Variants in CPM observed in about 807,000 individuals in gnomAD.
CPM encodes the protein carboxypeptidase M.
A neutral mutation model predicts 46.4 loss-of-function variants in CPM; 35 were observed. The ratio of observed to expected loss-of-function variants is 0.75; its 90% CI spans 0.58 to 1.00. CPM has a LOEUF of 1.00. Among genes scored for constraint, CPM ranks in the 50% least tolerant of loss-of-function variants. CPM has a pLI of 0.00. For synonymous variants in CPM, 195 were observed against 195.3 expected (o/e 1.00, Z 0.01); for missense variants, 422 against 530.4 (o/e 0.80, Z 2.01).
chr12:68,941,464 C>T (rs912076910), intron 1 of CPM, among the ~76,000 whole-genome samples: 5 of 151,980 alleles, frequency 3.3e-5, no homozygotes, highest in Admixed American at 6.6e-5. Context: ...GCCTTAACCT[C>T]CCAGGCTTAA....
rs1888301684 is a variant in CPM at position 68,927,129 on chromosome 12, G to A, written c.160+5549C>T. On this transcript the variant is annotated intron_variant, in intron 2 of 8. Coordinates refer to ENST00000551568, the MANE Select transcript of CPM (RefSeq NM_198320.5). ...GTATTTCTAGTTCTAGATCCCTGAG[G>A]AATCGCCACACTGACTTCCACAATG... 4.6e-5 allele frequency among the ~76,000 whole-genome samples: 7 copies of A among 151,646 alleles called. No individual in the cohort carries two copies. The South Asian group carries it at 1.5e-3, about 32-fold the overall frequency.
At chr12:68,910,362 A>C (rs1887544212) in intron 2 of CPM, among the ~76,000 whole-genome samples, 1 of 152,226 alleles carries the variant, frequency 6.6e-6, no homozygotes, top group Non-Finnish European at 1.5e-5. Context: ...TGTTACTCAT[A>C]AGACAAAACT....
chr12:68,942,980 A>C (rs1315516105), intron 1 of CPM, among the ~76,000 whole-genome samples: 1 of 152,194 alleles, frequency 6.6e-6, no homozygotes, highest in Non-Finnish European at 1.5e-5. Flanking sequence ...CCCCAAATAG[A>C]GTGAGTGAAG....
intron 5 of CPM, chr12:68,844,908 G>C (rs1369457371): frequency 1.0e-5 from 2 of 200,640 alleles, no homozygotes; most frequent in African/African-American, 4.6e-5. Flanking sequence ...GCTGGGGTTA[G>C]AGCACCCTGT....
At chr12:68,913,735 C>G (rs909087915) in intron 2 of CPM, 1 of 419,808 alleles carries the variant, frequency 2.4e-6, no homozygotes, top group South Asian at 2.0e-5. Context: ...CTTCAGGCTA[C>G]TCACTGCTGG....
chr12:68,884,719 G>C (rs1244757972), intron 3 of CPM, among the ~76,000 whole-genome samples: 1 of 152,154 alleles, frequency 6.6e-6, no homozygotes, highest in Non-Finnish European at 1.5e-5. Flanking sequence ...TGATCGCTCA[G>C]TTTTATAGAG....
At chr12:68,914,658 G>A (rs1038059766) in intron 2 of CPM, among the ~76,000 whole-genome samples, 2 of 152,174 alleles carry the variant, frequency 1.3e-5, no homozygotes, top group Non-Finnish European at 2.9e-5. Flanking sequence ...GTCAGTTTCT[G>A]TATTAGGTTG....
At chr12:68,894,185 A>G (rs1886772642) in intron 2 of CPM, among the ~76,000 whole-genome samples, 1 of 152,128 alleles carries the variant, frequency 6.6e-6, no homozygotes, top group African/African-American at 2.4e-5. Context: ...TTGAGATTGT[A>G]TATTTGTTTA....
Position 68,852,040 on chromosome 12 carries a change from T to C in CPM, c.*4397A>G, listed in dbSNP as rs1165457927. 3 of 152,238 alleles carry C rather than the reference T, an allele frequency of 2.0e-5. No homozygotes were observed. The highest frequency in any genetic ancestry group is 2.9e-5 in the Non-Finnish European group (2 of 68,044). The allele number at this position is 152,238 out of a possible 1,614,324, so 9.4% of individuals were successfully genotyped here. ...AGGAAGAGATACTTCCAATCTAACATCAGATATTTTTACTTTCTAAACAGA... is the reference window on the plus strand; with the variant it reads ...AGGAAGAGATACTTCCAATCTAACACCAGATATTTTTACTTTCTAAACAGA... On this transcript the variant is annotated 3_prime_UTR_variant, in exon 9 of 9. Transcript: ENST00000551568.
chr12:68,932,751 T>A lies in CPM; in HGVS notation c.87A>T (p.Glu29Asp). 6.2e-7 allele frequency: 1 copy of A among 1,614,172 alleles called. No individual in the cohort carries two copies. Among genetic ancestry groups the A allele is most frequent in the Admixed American group, 1.7e-5 (1 of 60,020 alleles). ...DFNYHRQEGM[E>D]AFLKTVAQNY... ...TTTGGGCAACAGTCTTCAAAAACGC[T>A]TCCATCCCTTCCTGGCGGTGGTAGT... The change falls in exon 2 of 9, where the codon GAA (glutamate) becomes GAT (aspartate). Residue 29 changes from glutamate to aspartate, a missense_variant. Coordinates refer to ENST00000551568, the MANE Select transcript of CPM (RefSeq NM_198320.5).
chr12:68,843,453 G>A (rs1392457309), intron 5 of CPM: 9 of 228,290 alleles, frequency 3.9e-5, no homozygotes, highest in African/African-American at 6.6e-5. Flanking sequence ...TTACAATTAT[G>A]TATTTAACAT....
chr12:68,879,626 A>G (rs1886103328), intron 3 of CPM, among the ~76,000 whole-genome samples: 1 of 152,078 alleles, frequency 6.6e-6, no homozygotes, highest in South Asian at 2.1e-4. Flanking sequence ...TGACCTCCCA[A>G]AGTGATGGGA....
intron 3 of CPM, among the ~76,000 whole-genome samples, chr12:68,883,285 A>G (rs1314362143): frequency 6.6e-6 from 1 of 152,202 alleles, no homozygotes; most frequent in South Asian, 2.1e-4. Flanking sequence ...CAAAAGATCT[A>G]TGGGAGGAAA....
chr12:68,885,938 T>C (rs747795031), intron 2 of CPM, 49 bp from the exon 3 acceptor site: 1 of 1,521,100 alleles, frequency 6.6e-7, no homozygotes. Flanking sequence ...TCTCTTAAAA[T>C]GACAAATGAA....
intron 2 of CPM, among the ~76,000 whole-genome samples, chr12:68,902,064 A>G (rs185464569): frequency 5.0e-4 from 76 of 152,352 alleles, no homozygotes; most frequent in Admixed American, 1.4e-3. Context: ...TAACGAAATC[A>G]TAACACATAC....
chr12:68,878,414 T>G (rs868378157), intron 3 of CPM, among the ~76,000 whole-genome samples: 10 of 152,236 alleles, frequency 6.6e-5, no homozygotes. Context: ...ATATCACTAT[T>G]GTAAAACCTA....
intron 2 of CPM, among the ~76,000 whole-genome samples, chr12:68,921,786 C>G (rs1056290269): frequency 2.0e-5 from 3 of 151,866 alleles, no homozygotes; most frequent in Non-Finnish European, 4.4e-5. Context: ...TCTTGAGGGA[C>G]TGAAGAACTT....
In CPM at chr12:68,851,948, A is replaced by G. The variant is rs1565759599; in HGVS notation, c.*4489T>C. On this transcript the variant is annotated 3_prime_UTR_variant, in exon 9 of 9. Coordinates refer to ENST00000551568, the MANE Select transcript of CPM (RefSeq NM_198320.5). ...TGTTACCATATAGAATAACAACCAG[A>G]CTTCTCAATAAGCAACTTATCTATT... 1.3e-5 allele frequency: 2 copies of G among 152,232 alleles called. No homozygotes were observed. The highest frequency in any genetic ancestry group is 2.9e-5 in the Non-Finnish European group (2 of 68,042). The allele number at this position is 152,232 out of a possible 1,614,324, so 9.4% of individuals were successfully genotyped here.
At chr12:68,907,973 C>A (rs960961470) in intron 2 of CPM, among the ~76,000 whole-genome samples, 1 of 152,156 alleles carries the variant, frequency 6.6e-6, no homozygotes, top group African/African-American at 2.4e-5. Flanking sequence ...GGATTACAGG[C>A]TCCCGCCACC....
Sources: allele counts gnomAD v4.1 joint callset (sites outside exome capture counted in the v4.1 genomes callset), GRCh38; gene constraint gnomAD v4.1.1; transcripts MANE v1.5; gene names NCBI Gene and HGNC (gene_info 2026-07-23, HGNC 2026-07-21).